Variants in SYTL5 observed in about 807,000 individuals in gnomAD.
SYTL5 encodes the protein synaptotagmin like 5.
In SYTL5, 34 loss-of-function variants were observed where a neutral mutation model predicts 55.9. The ratio of observed to expected loss-of-function variants is 0.61; its 90% CI spans 0.46 to 0.81. The LOEUF (loss-of-function observed/expected upper bound fraction) is 0.81. Among genes scored for constraint, SYTL5 ranks in the 30% least tolerant of loss-of-function variants. The pLI is 0.00. For missense variants in SYTL5, 637 were observed against 546.7 expected, an observed-to-expected ratio of 1.17 and a Z score of -1.65; for synonymous variants, 221 against 188.7, an observed-to-expected ratio of 1.17 and a Z score of -1.40.
rs866206085 is a variant in SYTL5 at position 38,121,360 on chromosome X, G to T, written c.1706-720G>T. On this transcript the variant is annotated intron_variant, in intron 14 of 16. Coordinates refer to ENST00000297875, the MANE Select transcript of SYTL5 (RefSeq NM_138780.3). Reference sequence around the variant, plus strand: ...TCAATTCTTGCAGGCAGCCTCCTCTGTCCTCCCATTCACTATTACTCTTTT... The same window carrying T: ...TCAATTCTTGCAGGCAGCCTCCTCTTTCCTCCCATTCACTATTACTCTTTT... Among the ~76,000 whole-genome samples the T allele has an allele frequency of 2.7e-5, 3 of 111,696 alleles. No individual in the cohort carries two copies. In the Middle Eastern group the frequency reaches 0.014, roughly 510 times the overall value.
At chrX:37,904,584 C>A in the SYTL5 span, among the ~76,000 whole-genome samples, 5 of 111,019 alleles carry the variant, frequency 4.5e-5, no homozygotes, top group South Asian at 1.5e-3. Context: ...TCTGAGCTTT[C>A]AATAAAGCTT....
chrX:38,085,839 T>G (rs73632454), intron 6 of SYTL5, among the ~76,000 whole-genome samples: 10,280 of 110,802 alleles, frequency 0.093, 828 homozygotes, highest in African/African-American at 0.24. Context: ...TTGTAATCTC[T>G]ACCCCCTATC....
chrX:38,096,070 A>G, intron 8 of SYTL5, 64 bp from the exon 9 acceptor site: 1 of 589,392 alleles, frequency 1.7e-6, no homozygotes, highest in Non-Finnish European at 2.7e-6. Context: ...ACTTGGAATA[A>G]AAAATGAAAT....
intron 3 of SYTL5, among the ~76,000 whole-genome samples, chrX:38,066,005 C>T (rs1352481196): frequency 9.1e-6 from 1 of 110,489 alleles, no homozygotes; most frequent in Non-Finnish European, 1.9e-5. Flanking sequence ...GAGGCTGAGG[C>T]GGGAGAATCG....
the SYTL5 span, among the ~76,000 whole-genome samples, chrX:37,941,580 G>A: frequency 9.0e-6 from 1 of 111,598 alleles, no homozygotes; most frequent in Non-Finnish European, 1.9e-5. Flanking sequence ...AGCTCTCCTT[G>A]TGTCTAGGAT....
At chrX:37,944,256 G>A in the SYTL5 span, among the ~76,000 whole-genome samples, 1 of 110,540 alleles carries the variant, frequency 9.0e-6, no homozygotes, top group Non-Finnish European at 1.9e-5. Context: ...CACAGGTCTG[G>A]TCTGTTTTGG....
intron 1 of SYTL5, among the ~76,000 whole-genome samples, chrX:38,030,092 G>T (rs191699509): frequency 3.9e-4 from 43 of 111,232 alleles, no homozygotes; most frequent in African/African-American, 1.2e-3. Flanking sequence ...CTCAGCGGTG[G>T]GTGGGGACTT....
chrX:37,935,486 GT>G, the SYTL5 span, among the ~76,000 whole-genome samples: 400 of 112,375 alleles, frequency 3.6e-3, 2 homozygotes, highest in African/African-American at 0.012. Context: ...CTTTTTAACT[GT>G]TTTTTCTCCT....
intron 10 of SYTL5, among the ~76,000 whole-genome samples, chrX:38,106,153 C>T (rs1937206214): frequency 8.9e-6 from 1 of 111,829 alleles, no homozygotes; most frequent in Non-Finnish European, 1.9e-5. Flanking sequence ...GTGGCTCCTG[C>T]TAGCACAGAA....
intron 13 of SYTL5, among the ~76,000 whole-genome samples, chrX:38,118,510 C>T (rs1409746863): frequency 1.8e-5 from 2 of 111,486 alleles, no homozygotes; most frequent in African/African-American, 6.5e-5. Flanking sequence ...AAGTATACTG[C>T]CTTTCCTGCT....
intron 1 of SYTL5, among the ~76,000 whole-genome samples, chrX:38,020,884 C>T (rs1934530716): frequency 9.0e-6 from 1 of 110,885 alleles, no homozygotes; most frequent in Admixed American, 9.6e-5. Flanking sequence ...ATTAATATGC[C>T]CATTTAACAG....
the SYTL5 span, among the ~76,000 whole-genome samples, chrX:37,987,248 C>T: frequency 1.8e-5 from 2 of 111,686 alleles, no homozygotes; most frequent in Non-Finnish European, 3.8e-5. Flanking sequence ...ATAATTTTGT[C>T]CTCTGGCTAC....
chrX:38,043,690 T>TATATATATACATACAC (rs1366385489), intron 2 of SYTL5, among the ~76,000 whole-genome samples: 1 of 69,556 alleles, frequency 1.4e-5, no homozygotes, highest in Non-Finnish European at 2.4e-5. Flanking sequence ...TATATATATA[T>TATATATATACATACAC]ACATATATAT....
At chrX:38,001,379 G>T in the SYTL5 span, among the ~76,000 whole-genome samples, 1 of 111,567 alleles carries the variant, frequency 9.0e-6, no homozygotes, top group African/African-American at 3.3e-5. Context: ...AAACTAGAAA[G>T]AATTAATGTC....
chrX:38,080,107 G>A (rs1010880063), intron 6 of SYTL5, among the ~76,000 whole-genome samples: 5 of 111,071 alleles, frequency 4.5e-5, no homozygotes, highest in African/African-American at 1.6e-4. Context: ...TCCAGCTCCA[G>A]GGCTAAAGGG....
the SYTL5 span, among the ~76,000 whole-genome samples, chrX:37,931,127 A>C: frequency 8.9e-6 from 1 of 112,083 alleles, no homozygotes; most frequent in African/African-American, 3.2e-5. Context: ...TTTTAAAAAT[A>C]AGCTTAGAAT....
intron 2 of SYTL5, among the ~76,000 whole-genome samples, chrX:38,039,864 A>T (rs762704668): frequency 1.3e-4 from 15 of 111,922 alleles, no homozygotes; most frequent in Admixed American, 3.8e-4. Flanking sequence ...TCTCAAAAAA[A>T]ATTTTTTTTA....
At chrX:38,012,578 C>T (rs1934223139) in intron 1 of SYTL5, among the ~76,000 whole-genome samples, 1 of 111,811 alleles carries the variant, frequency 8.9e-6, no homozygotes, top group Non-Finnish European at 1.9e-5. Flanking sequence ...GAAAGTTCAG[C>T]AACAGCCCAC....
At chrX:37,983,370 C>G in the SYTL5 span, among the ~76,000 whole-genome samples, 2 of 111,578 alleles carry the variant, frequency 1.8e-5, no homozygotes, top group Admixed American at 1.9e-4. Context: ...CACAAGAAAG[C>G]TGGAGTGGCT....
Sources: allele counts gnomAD v4.1 joint callset (sites outside exome capture counted in the v4.1 genomes callset), GRCh38; gene constraint gnomAD v4.1.1; transcripts MANE v1.5; gene names NCBI Gene and HGNC (gene_info 2026-07-23, HGNC 2026-07-21).